TSPAN7: variants seen among roughly 807,000 people sequenced by gnomAD.
The protein encoded by TSPAN7 is tetraspanin 7, also known as tetraspanin-7.
Under a neutral mutation model 17.6 loss-of-function variants are expected in TSPAN7, and 1 was observed. That is an observed-to-expected ratio of 0.06 (90% confidence interval 0.02 to 0.27). The LOEUF (loss-of-function observed/expected upper bound fraction) is 0.27. Among genes scored for constraint, TSPAN7 ranks in the 10% least tolerant of loss-of-function variants. The pLI is 1.00. For missense variants in TSPAN7, 112 were observed against 201.7 expected (o/e 0.56, Z 2.69); for synonymous variants, 78 against 79.0 (o/e 0.99, Z 0.07).
At chrX:38,615,296 G>T (rs1459519324) in intron 1 of TSPAN7, among the ~76,000 whole-genome samples, 1 of 111,340 alleles carries the variant, frequency 9.0e-6, no homozygotes, top group East Asian at 2.8e-4. Flanking sequence ...TTTCCTATAA[G>T]AATGTAATAT....
chrX:38,635,242 G>T lies in TSPAN7; in HGVS notation c.82-30879G>T, dbSNP rs760027454. Among the ~76,000 whole-genome samples, 101 of 111,853 alleles carry T rather than the reference G, an allele frequency of 9.0e-4. 1 individual carries two copies. The highest frequency in any genetic ancestry group is 1.4e-3 in the Non-Finnish European group (76 of 53,172). On this transcript the variant is annotated intron_variant, in intron 1 of 7. Transcript: ENST00000378482. ...ACTTGGAACCCTGAAGTTTGGAAGAGAAAGGAGCTAATTAGTCCAGTCAAT... is the reference window on the plus strand; with the variant it reads ...ACTTGGAACCCTGAAGTTTGGAAGATAAAGGAGCTAATTAGTCCAGTCAAT...
chrX:38,641,310 T>C (rs753047268), intron 1 of TSPAN7, among the ~76,000 whole-genome samples: 3 of 112,463 alleles, frequency 2.7e-5, no homozygotes, highest in Non-Finnish European at 5.6e-5. Context: ...CAAAGAAAAC[T>C]GTGCGATACT....
intron 1 of TSPAN7, among the ~76,000 whole-genome samples, chrX:38,621,970 C>T (rs1202019841): frequency 6.2e-5 from 7 of 112,293 alleles, no homozygotes; most frequent in Non-Finnish European, 1.1e-4. Context: ...TTTGCATTTA[C>T]AATCTACCAT....
intron 1 of TSPAN7, among the ~76,000 whole-genome samples, chrX:38,616,067 G>A (rs182746179): frequency 1.5e-3 from 168 of 112,176 alleles, no homozygotes; most frequent in Non-Finnish European, 2.6e-3. Context: ...GCTATTGTAA[G>A]GTTTAGAGAG....
At chrX:38,600,329 C>T (rs749698263) in intron 1 of TSPAN7, among the ~76,000 whole-genome samples, 1 of 111,640 alleles carries the variant, frequency 9.0e-6, no homozygotes, top group Admixed American at 9.5e-5. Context: ...AGCTGGAAAG[C>T]CTAAACATAC....
intron 1 of TSPAN7, among the ~76,000 whole-genome samples, chrX:38,619,742 TAAG>T (rs2069478905): frequency 8.9e-6 from 1 of 112,092 alleles, no homozygotes; most frequent in Non-Finnish European, 1.9e-5. Flanking sequence ...GTATATAACT[TAAG>T]AATGAATTTT....
At chrX:38,595,692 G>C (rs2069315849) in intron 1 of TSPAN7, among the ~76,000 whole-genome samples, 2 of 111,851 alleles carry the variant, frequency 1.8e-5, no homozygotes, top group Admixed American at 1.9e-4. Context: ...TTGCTCAAGT[G>C]GTGAAGAACC....
At chrX:38,595,495 A>G (rs750134148) in intron 1 of TSPAN7, among the ~76,000 whole-genome samples, 1 of 112,390 alleles carries the variant, frequency 8.9e-6, no homozygotes, top group African/African-American at 3.2e-5. Flanking sequence ...AATTATCTGC[A>G]TTTTGCCTTT....
intron 1 of TSPAN7, among the ~76,000 whole-genome samples, chrX:38,631,442 G>A (rs146835480): frequency 0.036 from 3,961 of 111,469 alleles, 182 homozygotes; most frequent in African/African-American, 0.12. Flanking sequence ...ACAAAGGTGT[G>A]CTCAGATAGA....
intron 6 of TSPAN7, 54 bp from the exon 7 acceptor site, chrX:38,687,545 G>T: frequency 9.4e-7 from 1 of 1,060,303 alleles, no homozygotes; most frequent in East Asian, 3.1e-5. Flanking sequence ...AATATTAAAA[G>T]GGTGTGGTTC....
At chrX:38,665,527 C>A (rs767254109) in intron 1 of TSPAN7, among the ~76,000 whole-genome samples, 20 of 112,092 alleles carry the variant, frequency 1.8e-4, no homozygotes, top group Non-Finnish European at 3.2e-4. Context: ...TTTGGCAAAT[C>A]GCATTACAGC....
At chrX:38,607,467 AG>A (rs1373730816) in intron 1 of TSPAN7, among the ~76,000 whole-genome samples, 1 of 110,996 alleles carries the variant, frequency 9.0e-6, no homozygotes, top group East Asian at 2.8e-4. Flanking sequence ...GTTTTCACTT[AG>A]GTGAGCCTCA....
rs1454782601 is a variant in TSPAN7 at position 38,618,655 on chromosome X, T to C, written c.82-47466T>C. On this transcript the variant is annotated intron_variant, in intron 1 of 7. Transcript: ENST00000378482. ...CTGAGCTACCTTGAGAGTGGTACCA[T>C]TTCATACTAGCTAGGAGAGTCTTCA... 2.7e-5 allele frequency among the ~76,000 whole-genome samples: 3 copies of C among 111,973 alleles called. No homozygotes were observed. In the Admixed American group the frequency reaches 2.8e-4, roughly 11 times the overall value.
At chrX:38,603,847 TTTTA>T (rs200326952) in intron 1 of TSPAN7, among the ~76,000 whole-genome samples, 4,556 of 109,033 alleles carry the variant, frequency 0.042, 231 homozygotes, top group African/African-American at 0.14. Flanking sequence ...TCTTTTGTAT[TTTTA>T]TTTATTTATT....
At chrX:38,625,529 T>C (rs2069517322) in intron 1 of TSPAN7, among the ~76,000 whole-genome samples, 1 of 112,006 alleles carries the variant, frequency 8.9e-6, no homozygotes, top group Non-Finnish European at 1.9e-5. Context: ...TTTGGATGGC[T>C]CCCTTCCAAA....
chrX:38,622,324 G>A (rs779448295), intron 1 of TSPAN7, among the ~76,000 whole-genome samples: 4 of 112,328 alleles, frequency 3.6e-5, no homozygotes, highest in Non-Finnish European at 7.5e-5. Flanking sequence ...AGGCAGGAAG[G>A]TAGCTTGAAG....
At chrX:38,611,546 G>A (rs765368091) in intron 1 of TSPAN7, among the ~76,000 whole-genome samples, 9 of 111,298 alleles carry the variant, frequency 8.1e-5, no homozygotes, top group Admixed American at 3.8e-4. Context: ...AATTACAGAG[G>A]GTCTTGTTTC....
At chrX:38,672,673 C>T (rs143945802) in intron 3 of TSPAN7, among the ~76,000 whole-genome samples, 5 of 111,028 alleles carry the variant, frequency 4.5e-5, no homozygotes, top group Admixed American at 1.9e-4. Flanking sequence ...GCTGGGAGTG[C>T]GCTCTGTGGA....
intron 1 of TSPAN7, among the ~76,000 whole-genome samples, chrX:38,637,901 T>C (rs2069589989): frequency 8.9e-6 from 1 of 111,943 alleles, no homozygotes; most frequent in African/African-American, 3.3e-5. Context: ...GATGTGTCAA[T>C]ATTAGTGTAC....
Sources: allele counts gnomAD v4.1 joint callset (sites outside exome capture counted in the v4.1 genomes callset), GRCh38; gene constraint gnomAD v4.1.1; transcripts MANE v1.5; gene names NCBI Gene and HGNC (gene_info 2026-07-23, HGNC 2026-07-21).